The following CAMK2D variants were observed in gnomAD, a reference collection of about 807,000 sequenced individuals.
The protein encoded by CAMK2D is calcium/calmodulin dependent protein kinase II delta.
Under a neutral mutation model 84.0 loss-of-function variants are expected in CAMK2D, and 37 were observed. The observed-to-expected ratio is 0.44, with a 90% CI of 0.34 to 0.58. The LOEUF is 0.58. Ranked by LOEUF, CAMK2D falls within the 20% of genes least tolerant of loss-of-function variation. The pLI, the probability that CAMK2D is intolerant of heterozygous loss-of-function variation, is 0.02. For missense variants in CAMK2D, 448 were observed against 652.5 expected (o/e 0.69, Z 3.41); for synonymous variants, 202 against 212.5 (o/e 0.95, Z 0.43).
At chr4:113,557,721 G>A (rs1242810419) in intron 4 of CAMK2D, among the ~76,000 whole-genome samples, 1 of 152,024 alleles carries the variant, frequency 6.6e-6, no homozygotes, top group Non-Finnish European at 1.5e-5. Context: ...CTCTTCAGAA[G>A]CCTATAATTT....
Position 113,552,104 on chromosome 4 carries a change from G to A in CAMK2D, c.276-8C>T. 6.6e-7 allele frequency: 1 copy of A among 1,510,652 alleles called. No homozygotes were observed. Among genetic ancestry groups the A allele is most frequent in the Non-Finnish European group, 9.1e-7 (1 of 1,097,774 alleles). The allele number at this position is 1,510,652 out of a possible 1,614,324, so 93.6% of individuals were successfully genotyped here. A position where few individuals can be genotyped will look rare whatever the true frequency, so the allele number is the denominator to read the frequency against. ...AGTTCACCTCCAGTAACTCTGGGAA[G>A]ATAAAAAACATAATCACTTTTAAAA... On this transcript the variant is annotated splice_region_variant and splice_polypyrimidine_tract_variant and intron_variant, in intron 4 of 20. Transcript: ENST00000511664.
chr4:113,493,511 A>C (rs375571077), intron 16 of CAMK2D, among the ~76,000 whole-genome samples: 1 of 152,086 alleles, frequency 6.6e-6, no homozygotes, highest in Non-Finnish European at 1.5e-5. Flanking sequence ...CCGAGAGATC[A>C]GCTGTTAGTC....
At chr4:113,525,747 T>C (rs1334752261) in intron 8 of CAMK2D, among the ~76,000 whole-genome samples, 1 of 152,224 alleles carries the variant, frequency 6.6e-6, no homozygotes, top group Non-Finnish European at 1.5e-5. Flanking sequence ...TATAGAAGGC[T>C]AGCTGCCTTT....
chr4:113,703,923 C>CT (rs11460715), intron 2 of CAMK2D, among the ~76,000 whole-genome samples: 78,584 of 129,316 alleles, frequency 0.61, 23,992 homozygotes, highest in East Asian at 0.74. Flanking sequence ...TTCTTATGAC[C>CT]TTTTTTTTTT....
intron 2 of CAMK2D, among the ~76,000 whole-genome samples, chr4:113,744,891 T>C (rs574307093): frequency 1.3e-4 from 20 of 152,346 alleles, no homozygotes; most frequent in African/African-American, 4.8e-4. Context: ...AGTGTGAATA[T>C]ATTGTGTATA....
chr4:113,726,320 G>A lies in CAMK2D; in HGVS notation c.160+33000C>T, dbSNP rs544361532. Among the ~76,000 whole-genome samples, 5 of 148,178 alleles carry A rather than the reference G, an allele frequency of 3.4e-5. 1 individual carries two copies. Among genetic ancestry groups the A allele is most frequent in the African/African-American group, 9.9e-5 (4 of 40,338 alleles). ...ACTTAGAAAATGCAACTCTATTCAC[G>A]ACTTTAAAGCACTTTCTGACTGCCT... On this transcript the variant is annotated intron_variant, in intron 2 of 20. Coordinates refer to ENST00000511664, the MANE Select transcript of CAMK2D (RefSeq NM_001321571.2).
intron 2 of CAMK2D, among the ~76,000 whole-genome samples, chr4:113,758,794 G>C (rs2149162983): frequency 6.6e-6 from 1 of 152,258 alleles, no homozygotes; most frequent in South Asian, 2.1e-4. Flanking sequence ...GCTGCACACA[G>C]AAACATCAAA....
chr4:113,641,516 C>T (rs986947376), intron 3 of CAMK2D, among the ~76,000 whole-genome samples: 14 of 152,230 alleles, frequency 9.2e-5, no homozygotes, highest in African/African-American at 3.4e-4. Flanking sequence ...TTCTTTCTTG[C>T]AGATTTCATT....
intron 4 of CAMK2D, among the ~76,000 whole-genome samples, chr4:113,579,895 T>C (rs1273321595): frequency 6.6e-6 from 1 of 152,170 alleles, no homozygotes; most frequent in African/African-American, 2.4e-5. Flanking sequence ...AAAAGTCAGC[T>C]TTCCAAATAC....
At chr4:113,726,982 T>C (rs750776141) in intron 2 of CAMK2D, among the ~76,000 whole-genome samples, 1 of 152,162 alleles carries the variant, frequency 6.6e-6, no homozygotes, top group South Asian at 2.1e-4. Context: ...TTTCTTAGAA[T>C]TGGTGTTTAA....
chr4:113,712,139 C>A (rs2099495195), intron 2 of CAMK2D, among the ~76,000 whole-genome samples: 1 of 152,252 alleles, frequency 6.6e-6, no homozygotes, highest in Admixed American at 6.5e-5. Context: ...ACTCATTATG[C>A]ATCCTGAGTC....
At chr4:113,719,518 A>C (rs1304720748) in intron 2 of CAMK2D, among the ~76,000 whole-genome samples, 2 of 152,252 alleles carry the variant, frequency 1.3e-5, no homozygotes, top group Non-Finnish European at 2.9e-5. Context: ...AAAGCCAATT[A>C]GATCTTTAAA....
At chr4:113,603,488 C>CA (rs370479329) in intron 4 of CAMK2D, among the ~76,000 whole-genome samples, 6,934 of 147,594 alleles carry the variant, frequency 0.047, 589 homozygotes, top group African/African-American at 0.16. Flanking sequence ...ATCGCAAGAA[C>CA]AAAAAACCAA....
chr4:113,626,768 T>C (rs1250015153), intron 3 of CAMK2D, among the ~76,000 whole-genome samples: 2 of 152,136 alleles, frequency 1.3e-5, no homozygotes, highest in Non-Finnish European at 2.9e-5. Context: ...ACTGGAACAA[T>C]CCACCAGCAT....
chr4:113,620,738 C>T (rs2099042421), intron 3 of CAMK2D, among the ~76,000 whole-genome samples: 1 of 152,060 alleles, frequency 6.6e-6, no homozygotes, highest in African/African-American at 2.4e-5. Context: ...GATCTCTTGA[C>T]CTTGTGATCT....
At chr4:113,579,503 G>C (rs954403616) in intron 4 of CAMK2D, among the ~76,000 whole-genome samples, 1 of 152,142 alleles carries the variant, frequency 6.6e-6, no homozygotes, top group Non-Finnish European at 1.5e-5. Flanking sequence ...TGCCACAACA[G>C]TGACTGAGTT....
intron 2 of CAMK2D, among the ~76,000 whole-genome samples, chr4:113,727,103 G>C (rs1293420857): frequency 6.6e-6 from 1 of 152,100 alleles, no homozygotes; most frequent in Non-Finnish European, 1.5e-5. Flanking sequence ...AAATAAATGA[G>C]AGATAATGCC....
intron 16 of CAMK2D, among the ~76,000 whole-genome samples, chr4:113,493,116 T>C (rs2097866916): frequency 6.8e-6 from 1 of 147,364 alleles, no homozygotes; most frequent in Non-Finnish European, 1.5e-5. Flanking sequence ...TCTGTGTCTT[T>C]TAATTGGAGC....
chr4:113,611,401 C>A (rs2098999793), intron 3 of CAMK2D, among the ~76,000 whole-genome samples: 2 of 152,092 alleles, frequency 1.3e-5, no homozygotes, highest in African/African-American at 4.8e-5. Context: ...GAACTCATAA[C>A]AATTATTCTG....
Sources: allele counts gnomAD v4.1 joint callset (sites outside exome capture counted in the v4.1 genomes callset), GRCh38; gene constraint gnomAD v4.1.1; transcripts MANE v1.5; gene names NCBI Gene and HGNC (gene_info 2026-07-23, HGNC 2026-07-21).